METTL15: variants seen among roughly 807,000 people sequenced by gnomAD.
METTL15 encodes the protein 12S rRNA N(4)-cytidine methyltransferase METTL15.
Under a neutral mutation model 38.3 loss-of-function variants are expected in METTL15, and 34 were observed. The observed-to-expected ratio is 0.89, with a 90% CI of 0.68 to 1.18. METTL15 has a LOEUF of 1.18. Ranked by LOEUF, METTL15 falls within the 50% of genes most tolerant of loss-of-function variation. METTL15 has a pLI of 0.00. For missense variants in METTL15, 438 were observed against 498.4 expected (o/e 0.88, Z 1.15); for synonymous variants, 162 against 170.9 (o/e 0.95, Z 0.41).
At chr11:28,193,531 G>C (rs1189697181) in intron 3 of METTL15, among the ~76,000 whole-genome samples, 1 of 152,044 alleles carries the variant, frequency 6.6e-6, no homozygotes, top group Non-Finnish European at 1.5e-5. Context: ...CCTCCCTCCA[G>C]GCCCCACTTC....
intron 3 of METTL15, among the ~76,000 whole-genome samples, chr11:28,116,506 C>T (rs1159888875): frequency 6.6e-6 from 1 of 152,176 alleles, no homozygotes; most frequent in African/African-American, 2.4e-5. Flanking sequence ...GTTCTAAGCT[C>T]TTGTCTAGGA....
intron 4 of METTL15, among the ~76,000 whole-genome samples, chr11:28,222,256 G>T (rs544949303): frequency 6.6e-6 from 1 of 152,288 alleles, no homozygotes; most frequent in South Asian, 2.1e-4. Flanking sequence ...GCAATGGCGG[G>T]CGCCCCTCCC....
chr11:28,455,216 CTTTTTTTTTT>C (rs34686157), intron 6 of METTL15, among the ~76,000 whole-genome samples: 2 of 85,834 alleles, frequency 2.3e-5, no homozygotes, highest in Admixed American at 3.0e-4. Flanking sequence ...GATCAGCTAG[CTTTTTTTTTT>C]TTTTTTTTTT....
intron 5 of METTL15, among the ~76,000 whole-genome samples, chr11:28,412,046 C>G (rs1317816079): frequency 2.6e-5 from 4 of 152,004 alleles, no homozygotes; most frequent in Non-Finnish European, 5.9e-5. Context: ...TATGAGATAT[C>G]ACCTCACACC....
chr11:28,421,858 G>T (rs1370171485), intron 5 of METTL15, among the ~76,000 whole-genome samples: 1 of 151,886 alleles, frequency 6.6e-6, no homozygotes, highest in South Asian at 2.1e-4. Flanking sequence ...ACAAGAGAAA[G>T]AAATAAAGGG....
At chr11:28,375,845 C>T (rs966789853) in intron 5 of METTL15, among the ~76,000 whole-genome samples, 2 of 151,190 alleles carry the variant, frequency 1.3e-5, no homozygotes, top group Non-Finnish European at 3.0e-5. Flanking sequence ...TGAATGCGTC[C>T]CAGAGATTCT....
At chr11:28,492,459 T>A (rs1357001871) in intron 6 of METTL15, among the ~76,000 whole-genome samples, 1 of 152,020 alleles carries the variant, frequency 6.6e-6, no homozygotes, top group Non-Finnish European at 1.5e-5. Context: ...TTCCTTTGAC[T>A]TCGTATTCTT....
chr11:28,264,762 T>A (rs1392396824), intron 4 of METTL15, among the ~76,000 whole-genome samples: 1 of 152,130 alleles, frequency 6.6e-6, no homozygotes, highest in Non-Finnish European at 1.5e-5. Context: ...CTTCCACAAA[T>A]TAACAATTTG....
intron 3 of METTL15, among the ~76,000 whole-genome samples, chr11:28,175,977 G>T (rs895526823): frequency 6.6e-6 from 1 of 151,802 alleles, no homozygotes; most frequent in Non-Finnish European, 1.5e-5. Context: ...AATCAAAGTT[G>T]TAAATTTTGC....
chr11:28,442,375 C>T (rs1334770661), intron 6 of METTL15, among the ~76,000 whole-genome samples: 1 of 152,026 alleles, frequency 6.6e-6, no homozygotes, highest in East Asian at 1.9e-4. Context: ...ATTTCTGAGG[C>T]CTTGCACTTG....
chr11:28,257,698 C>T (rs1400331680), intron 4 of METTL15, among the ~76,000 whole-genome samples: 1 of 152,070 alleles, frequency 6.6e-6, no homozygotes, highest in African/African-American at 2.4e-5. Flanking sequence ...CTTCAGTATG[C>T]CAATTGCATT....
chr11:28,343,703 A>T (rs1193635135), intron 3 of METTL15, among the ~76,000 whole-genome samples: 3 of 152,232 alleles, frequency 2.0e-5, no homozygotes, highest in Admixed American at 6.5e-5. Context: ...GTATTTGTGC[A>T]TAGGTTGTCT....
At chr11:28,446,919 T>TAC (rs774243468) in intron 6 of METTL15, among the ~76,000 whole-genome samples, 1 of 152,098 alleles carries the variant, frequency 6.6e-6, no homozygotes, top group Non-Finnish European at 1.5e-5. Context: ...CAAGAATACA[T>TAC]ACACACATAT....
chr11:28,221,911 G>A (rs1272786861), intron 4 of METTL15, among the ~76,000 whole-genome samples: 1 of 152,144 alleles, frequency 6.6e-6, no homozygotes, highest in African/African-American at 2.4e-5. Context: ...CGTTCCTCTG[G>A]AAGTTTTGTC....
intron 3 of METTL15, among the ~76,000 whole-genome samples, chr11:28,115,966 A>ACG (rs397725828): frequency 2.0e-5 from 3 of 149,836 alleles, no homozygotes; most frequent in Admixed American, 2.0e-4. Context: ...ACACACACAC[A>ACG]ACCCTACCGA....
chr11:28,186,098 A>C (rs193114627), intron 3 of METTL15, among the ~76,000 whole-genome samples: 2 of 151,184 alleles, frequency 1.3e-5, no homozygotes, highest in African/African-American at 2.4e-5. Flanking sequence ...AGGTTAGGCC[A>C]TAGAAACTGT....
At chr11:28,422,465 G>T (rs1359903985) in intron 5 of METTL15, among the ~76,000 whole-genome samples, 1 of 151,990 alleles carries the variant, frequency 6.6e-6, no homozygotes, top group African/African-American at 2.4e-5. Context: ...AACAAAAACA[G>T]CATGGTGCTG....
At chr11:28,373,988 T>G (rs908127768) in intron 5 of METTL15, among the ~76,000 whole-genome samples, 1 of 152,090 alleles carries the variant, frequency 6.6e-6, no homozygotes, top group South Asian at 2.1e-4. Context: ...TTATGCGGCG[T>G]TATTTCTGAG....
At chr11:28,349,401 T>C (rs1244628781) in intron 3 of METTL15, among the ~76,000 whole-genome samples, 1 of 152,202 alleles carries the variant, frequency 6.6e-6, no homozygotes, top group Non-Finnish European at 1.5e-5. Flanking sequence ...ACAGGGCTGT[T>C]TGACAATGGA....
Sources: allele counts gnomAD v4.1 joint callset (sites outside exome capture counted in the v4.1 genomes callset), GRCh38; gene constraint gnomAD v4.1.1; transcripts MANE v1.5; gene names NCBI Gene and HGNC (gene_info 2026-07-23, HGNC 2026-07-21).